Variants in IMMT observed in about 807,000 individuals in gnomAD.
The protein encoded by IMMT is inner membrane mitochondrial protein.
In IMMT, 40 loss-of-function variants were observed where a neutral mutation model predicts 92.7. The observed-to-expected ratio is 0.43, with a 90% CI of 0.34 to 0.56. The LOEUF (loss-of-function observed/expected upper bound fraction) is 0.56, where lower values mean the gene tolerates loss of function less well. Among genes scored for constraint, IMMT ranks in the 20% least tolerant of loss-of-function variants. The pLI is 0.03. For missense variants in IMMT, 831 were observed against 912.1 expected (o/e 0.91, Z 1.14); for synonymous variants, 322 against 336.1 (o/e 0.96, Z 0.46).
chr2:86,192,479 A>T (rs11885380), intron 1 of IMMT, among the ~76,000 whole-genome samples: 1 of 151,968 alleles, frequency 6.6e-6, no homozygotes, highest in Non-Finnish European at 1.5e-5. Flanking sequence ...ATTCATGAAC[A>T]CATTCATTCT....
At chr2:86,164,139 C>T (rs180826645) in intron 7 of IMMT, among the ~76,000 whole-genome samples, 1,525 of 143,526 alleles carry the variant, frequency 0.011, 26 homozygotes, top group African/African-American at 0.038. Flanking sequence ...CTCACCACAA[C>T]CTCCACCTCC....
intron 11 of IMMT, 37 bp downstream of exon 11, chr2:86,153,523 C>G: frequency 7.6e-7 from 1 of 1,322,804 alleles, no homozygotes; most frequent in South Asian, 1.5e-5. Context: ...ATACCCAAAA[C>G]AAAAGACTTT....
At chr2:86,188,400 C>T (rs1023809425) in intron 1 of IMMT, among the ~76,000 whole-genome samples, 6 of 151,944 alleles carry the variant, frequency 3.9e-5, no homozygotes, top group African/African-American at 7.3e-5. Context: ...CGCACACACG[C>T]GCACACACAC....
In IMMT at chr2:86,166,518, T is replaced by C. The variant is rs762916360; in HGVS notation, c.782A>G (p.Asp261Gly). ...AHSNILKAAM[D>G]NSEIAGEKKS... ...ATTCATTGGGCTCACCTCAGAATTG[T>C]CCATGGCGGCTTTCAATATGTTGGA... Residue 261 changes from aspartate to glycine, a missense_variant, in exon 7 of 15, where the codon GAC becomes GGC. Physicochemically the swap from Asp to Gly is moderately conservative, Grantham distance 94 (BLOSUM62 -1). Coordinates refer to ENST00000410111, the MANE Select transcript of IMMT (RefSeq NM_006839.3). 3 of 1,610,684 alleles carry C rather than the reference T, an allele frequency of 1.9e-6. No homozygotes were observed. The highest frequency in any genetic ancestry group is 2.7e-5 in the African/African-American group (2 of 74,760).
intron 10 of IMMT, among the ~76,000 whole-genome samples, chr2:86,157,333 C>T (rs769195598): frequency 7.2e-5 from 11 of 152,216 alleles, no homozygotes; most frequent in Non-Finnish European, 1.3e-4. Context: ...TTCAGTCTCC[C>T]TGGGTGGCCA....
At chr2:86,145,427 G>A (rs1433115319) in intron 14 of IMMT, among the ~76,000 whole-genome samples, 7 of 150,360 alleles carry the variant, frequency 4.7e-5, no homozygotes, top group South Asian at 2.1e-4. Context: ...CCCAGGAGGC[G>A]GAGGCTGCAG....
intron 7 of IMMT, among the ~76,000 whole-genome samples, 162 bp from the exon 8 acceptor site, chr2:86,162,241 T>C (rs900276945): frequency 2.6e-5 from 4 of 151,956 alleles, no homozygotes; most frequent in African/African-American, 9.7e-5. Context: ...CTTATGTTCT[T>C]AATTTAAGGC....
chr2:86,156,150 G>A (rs1675840025), intron 10 of IMMT, among the ~76,000 whole-genome samples: 1 of 152,102 alleles, frequency 6.6e-6, no homozygotes. Context: ...TGTACTGCAT[G>A]ATGTTTAGCA....
intron 14 of IMMT, 102 bp downstream of exon 14, chr2:86,145,964 TTA>T: frequency 1.1e-6 from 1 of 875,980 alleles, no homozygotes; most frequent in Non-Finnish European, 1.6e-6. Flanking sequence ...ATTAGTATTT[TTA>T]TGTCCTGATG....
chr2:86,170,960 T>C, intron 5 of IMMT, 116 bp from the exon 6 acceptor site: 3 of 775,072 alleles, frequency 3.9e-6, no homozygotes, highest in South Asian at 1.7e-5. Context: ...CAGGGCATTT[T>C]TGTGTTAAGA....
At chr2:86,146,518 G>T (rs1675028307) in intron 13 of IMMT, among the ~76,000 whole-genome samples, 1 of 151,788 alleles carries the variant, frequency 6.6e-6, no homozygotes, top group East Asian at 1.9e-4. Context: ...TTACAGGCAT[G>T]CATCACCATG....
intron 13 of IMMT, among the ~76,000 whole-genome samples, chr2:86,146,649 C>T (rs919192886): frequency 6.6e-6 from 1 of 152,184 alleles, no homozygotes; most frequent in African/African-American, 2.4e-5. Flanking sequence ...AGGCGTGAGC[C>T]ACCGTGCCCG....
intron 1 of IMMT, among the ~76,000 whole-genome samples, chr2:86,186,779 AC>A (rs1360949381): frequency 2.0e-5 from 3 of 152,246 alleles, no homozygotes; most frequent in African/African-American, 7.2e-5. Context: ...GGCAATAAAT[AC>A]TGTTATTTTA....
chr2:86,144,570 A>G lies in IMMT; in HGVS notation c.1975T>C (p.Phe659Leu), dbSNP rs761146013. ...DETRNSLYQYFLSYLQSLLLF... is the reference protein window; with the variant it reads ...DETRNSLYQYLLSYLQSLLLF... ...AGCAGGGACTGTAGGTAGGAGAGGA[A>G]GTACTGGTACAAGCTATTTCTGGTT... Residue 659 changes from phenylalanine to leucine, a missense_variant, in exon 15 of 15, where the codon TTC becomes CTC. Physicochemically the swap from Phe to Leu is conservative, Grantham distance 22. Transcript: ENST00000410111. 1 of 1,614,044 alleles carries G rather than the reference A, an allele frequency of 6.2e-7. No individual in the cohort carries two copies. Among genetic ancestry groups the G allele is most frequent in the Non-Finnish European group, 8.5e-7 (1 of 1,179,890 alleles).
rs532498794 is a variant in IMMT at position 86,189,713 on chromosome 2, C to T, written c.45+5625G>A. On this transcript the variant is annotated intron_variant, in intron 1 of 14. Transcript: ENST00000410111. The stretch of plus-strand genomic sequence containing the variant: ...TACATAAGGACTCCTCCCACACAAA[C>T]GAAAAAGGCACCCATAAGTTAATGG... Among the ~76,000 whole-genome samples, 13 of 152,078 alleles carry T rather than the reference C, an allele frequency of 8.5e-5. No individual in the cohort carries two copies. The East Asian group carries it at 1.2e-3, about 14-fold the overall frequency.
intron 2 of IMMT, among the ~76,000 whole-genome samples, chr2:86,180,458 G>T (rs1365862609): frequency 4.0e-5 from 6 of 151,546 alleles, no homozygotes; most frequent in African/African-American, 1.5e-4. Flanking sequence ...TAGAGACGGG[G>T]TTTCACCAAG....
chr2:86,153,332 C>CACACAT lies in IMMT; in HGVS notation c.1177+227_1177+228insATGTGT, dbSNP rs1553445610. Among the ~76,000 whole-genome samples the CACACAT allele has an allele frequency of 2.1e-4, 32 of 152,048 alleles. No individual in the cohort carries two copies. The East Asian group carries it at 5.2e-3, about 25-fold the overall frequency. On this transcript the variant is annotated intron_variant, in intron 11 of 14. Coordinates refer to ENST00000410111, the MANE Select transcript of IMMT (RefSeq NM_006839.3). ...ACACACACACACACACACACACACA[C>CACACAT]ACACACACACTTCACATCTATAGGA... is the stretch of plus-strand genomic sequence containing the variant.
At chr2:86,186,617 C>A (rs1242330233) in intron 1 of IMMT, among the ~76,000 whole-genome samples, 1 of 152,162 alleles carries the variant, frequency 6.6e-6, no homozygotes, top group Non-Finnish European at 1.5e-5. Context: ...ATGGGTGATC[C>A]AGCCAACAGT....
intron 1 of IMMT, among the ~76,000 whole-genome samples, chr2:86,184,363 A>C (rs1208711968): frequency 6.6e-6 from 1 of 152,056 alleles, no homozygotes; most frequent in Non-Finnish European, 1.5e-5. Context: ...TTTTTTATAG[A>C]GCCAGGTCTG....
Sources: allele counts gnomAD v4.1 joint callset (sites outside exome capture counted in the v4.1 genomes callset), GRCh38; gene constraint gnomAD v4.1.1; transcripts MANE v1.5; gene names NCBI Gene and HGNC (gene_info 2026-07-23, HGNC 2026-07-21).